The following LIN28A variants were observed in gnomAD, a reference collection of about 807,000 sequenced individuals.
The protein encoded by LIN28A is protein lin-28 homolog A.
In LIN28A, 11 loss-of-function variants were observed where a neutral mutation model predicts 21.1. The ratio of observed to expected loss-of-function variants is 0.52; its 90% CI spans 0.33 to 0.86. LIN28A has a LOEUF of 0.86. Among genes scored for constraint, LIN28A ranks in the 40% least tolerant of loss-of-function variants. The pLI, the probability that LIN28A is intolerant of heterozygous loss-of-function variation, is 0.03. For missense variants in LIN28A, 219 were observed against 279.8 expected, an observed-to-expected ratio of 0.78 and a Z score of 1.55; for synonymous variants, 111 against 108.7, an observed-to-expected ratio of 1.02 and a Z score of -0.13.
At position 26,426,910 on chromosome 1, in the gene LIN28A, C is replaced by T. The variant is rs1314228631; in HGVS notation, c.*452C>T. ...AGGAGTAAGCATTGTTTTTTTTTCA[C>T]ATCTTGTATCCTCATACCCACTTTT... On this transcript the variant is annotated 3_prime_UTR_variant, in exon 4 of 4. Coordinates refer to ENST00000326279, the MANE Select transcript of LIN28A (RefSeq NM_024674.6). The T allele has an allele frequency of 5.5e-6, 1 of 181,538 alleles. No individual in the cohort carries two copies. Among genetic ancestry groups the T allele is most frequent in the Non-Finnish European group, 1.2e-5 (1 of 85,280 alleles). The allele number at this position is 181,538 out of a possible 1,614,324, so 11.2% of individuals were successfully genotyped here. A position where few individuals can be genotyped will look rare whatever the true frequency, so the allele number is the denominator to read the frequency against.
At position 26,411,559 on chromosome 1, in the gene LIN28A, C is replaced by G. The variant is rs1287661387; in HGVS notation, c.205C>G (p.Pro69Ala). 1.9e-6 allele frequency: 3 copies of G among 1,613,636 alleles called. No individual in the cohort carries two copies. Among genetic ancestry groups the G allele is most frequent in the African/African-American group, 2.7e-5 (2 of 74,896 alleles). Residue 69 changes from proline to alanine, a missense_variant, in exon 2 of 4, where the codon CCA becomes GCA. This residue lies in a region of LIN28A where 124 missense variants were observed against 193.1 expected (regional missense o/e 0.64). Coordinates refer to ENST00000326279, the MANE Select transcript of LIN28A (RefSeq NM_024674.6). The surrounding 1 kb of genome is among the most constrained non-coding windows in gnomAD (Gnocchi z 5.4). The stretch of plus-strand genomic sequence containing the variant: ...CCGCGCCGGGGTCGCGCTCGACCCC[C>G]CAGTGGATGTCTTTGTGCACCAGGT... ...TARAGVALDP[P>A]VDVFVHQSKL...
chr1:26,421,507 AT>A (rs1305182499), intron 2 of LIN28A, among the ~76,000 whole-genome samples: 7 of 152,078 alleles, frequency 4.6e-5, no homozygotes, highest in African/African-American at 1.7e-4. Context: ...TTTATGGTAT[AT>A]TTTTGTAGTT....
intron 2 of LIN28A, among the ~76,000 whole-genome samples, chr1:26,424,227 T>C (rs548571407): frequency 6.6e-6 from 1 of 152,108 alleles, no homozygotes; most frequent in South Asian, 2.1e-4. Flanking sequence ...CTTCATAGCG[T>C]GACATTTTAT....
chr1:26,419,244 T>C (rs2075015182), intron 2 of LIN28A, among the ~76,000 whole-genome samples: 1 of 142,374 alleles, frequency 7.0e-6, no homozygotes, highest in Non-Finnish European at 1.5e-5. Context: ...CTATGTGTTT[T>C]AGAAAGGGGC....
At chr1:26,425,887 T>C (rs1160668043) in intron 3 of LIN28A, among the ~76,000 whole-genome samples, 3 of 152,242 alleles carry the variant, frequency 2.0e-5, no homozygotes, top group Admixed American at 6.5e-5. Flanking sequence ...TAAAGCCCCT[T>C]AGCTCTGAAC....
chr1:26,411,672 G>T lies in LIN28A; in HGVS notation c.228+90G>T. Reference sequence around the variant, plus strand: ...CTCCGGGCTCGCAGTTGAATTGAGGGCCATCGGGAGCCCTCATTATGCATC... The same window carrying T: ...CTCCGGGCTCGCAGTTGAATTGAGGTCCATCGGGAGCCCTCATTATGCATC... On this transcript the variant is annotated intron_variant, in intron 2 of 3. Coordinates refer to ENST00000326279, the MANE Select transcript of LIN28A (RefSeq NM_024674.6). The surrounding 1 kb of genome is among the most constrained non-coding windows in gnomAD (Gnocchi z 5.4). 2 of 1,298,758 alleles carry T rather than the reference G, an allele frequency of 1.5e-6. No homozygotes were observed. The highest frequency in any genetic ancestry group is 2.2e-6 in the Non-Finnish European group (2 of 920,492). 80.5% of individuals were successfully genotyped at this position (1,298,758 alleles called of 1,614,324 possible).
chr1:26,422,094 T>C (rs552870969), intron 2 of LIN28A, among the ~76,000 whole-genome samples: 1 of 151,912 alleles, frequency 6.6e-6, no homozygotes, highest in South Asian at 2.1e-4. Context: ...CTGCAACCTC[T>C]GCCTCCTGGG....
intron 2 of LIN28A, among the ~76,000 whole-genome samples, chr1:26,413,947 C>T (rs183245537): frequency 7.8e-4 from 118 of 151,770 alleles, no homozygotes; most frequent in Non-Finnish European, 9.1e-4. Flanking sequence ...CCTGCCTCAG[C>T]TTCCTGAGTA....
Position 26,428,283 on chromosome 1 carries a change from C to T in LIN28A, c.*1825C>T, listed in dbSNP as rs1317389258. The T allele has an allele frequency of 5.2e-5, 8 of 152,662 alleles. No individual in the cohort carries two copies. In the East Asian group the frequency reaches 1.5e-3, roughly 29 times the overall value. The allele number at this position is 152,662 out of a possible 1,614,324, so 9.5% of individuals were successfully genotyped here. A position where few individuals can be genotyped will look rare whatever the true frequency, so the allele number is the denominator to read the frequency against. On this transcript the variant is annotated 3_prime_UTR_variant, in exon 4 of 4. Coordinates refer to ENST00000326279, the MANE Select transcript of LIN28A (RefSeq NM_024674.6). ...GGGGCCCTCTTCTTAAAGTGGGGATCTTGAACCATCCTTTCTTTTGTATTC... is the reference window on the plus strand; with the variant it reads ...GGGGCCCTCTTCTTAAAGTGGGGATTTTGAACCATCCTTTCTTTTGTATTC...
At position 26,411,361 on chromosome 1, in the gene LIN28A, AG is replaced by A. The variant is rs752965206; in HGVS notation, c.32-24del. The stretch of plus-strand genomic sequence containing the variant: ...CCTCCGATTCCGTGCCCCCCAGCTA[AG>A]TGCCCGGCCCTCCCTCTCTCCAGGT... On this transcript the variant is annotated intron_variant, in intron 1 of 3. Transcript: ENST00000326279. The surrounding 1 kb of genome is among the most constrained non-coding windows in gnomAD (Gnocchi z 5.4). The A allele has an allele frequency of 6.5e-7, 1 of 1,536,886 alleles. No homozygotes were observed. Among genetic ancestry groups the A allele is most frequent in the Non-Finnish European group, 8.7e-7 (1 of 1,147,504 alleles).
At position 26,426,725 on chromosome 1, in the gene LIN28A, C is replaced by T; in HGVS notation, c.*267C>T. The T allele has an allele frequency of 2.5e-6, 1 of 406,812 alleles. No homozygotes were observed. Among genetic ancestry groups the T allele is most frequent in the Admixed American group, 3.9e-5 (1 of 25,730 alleles). The allele number at this position is 406,812 out of a possible 1,614,324, so 25.2% of individuals were successfully genotyped here. ...CCTACAACCTGCATACTTTGAGTCT[C>T]CATCCCCAGAATTTCCAGCTTTTGA... On this transcript the variant is annotated 3_prime_UTR_variant, in exon 4 of 4. Coordinates refer to ENST00000326279, the MANE Select transcript of LIN28A (RefSeq NM_024674.6).
intron 2 of LIN28A, among the ~76,000 whole-genome samples, chr1:26,423,902 AC>A (rs1400869828): frequency 1.3e-5 from 2 of 151,742 alleles, no homozygotes; most frequent in South Asian, 4.2e-4. Context: ...AGCTGGGACT[AC>A]AGGCACCCGC....
At chr1:26,416,345 G>T (rs2074993454) in intron 2 of LIN28A, among the ~76,000 whole-genome samples, 1 of 152,188 alleles carries the variant, frequency 6.6e-6, no homozygotes, top group Non-Finnish European at 1.5e-5. Context: ...TCAAATATGG[G>T]ATGTTTCTAC....
chr1:26,417,384 C>A (rs141630322), intron 2 of LIN28A, among the ~76,000 whole-genome samples: 1 of 152,156 alleles, frequency 6.6e-6, no homozygotes, highest in Non-Finnish European at 1.5e-5. Context: ...CTGGGAGAAC[C>A]GGTTGGTTCT....
intron 2 of LIN28A, among the ~76,000 whole-genome samples, chr1:26,413,986 C>T (rs976441082): frequency 2.6e-5 from 4 of 151,970 alleles, no homozygotes; most frequent in African/African-American, 9.7e-5. Flanking sequence ...TGCCACCACG[C>T]TCGGCTAATT....
At chr1:26,416,738 C>CA (rs2074995604) in intron 2 of LIN28A, among the ~76,000 whole-genome samples, 1 of 152,130 alleles carries the variant, frequency 6.6e-6, no homozygotes, top group African/African-American at 2.4e-5. Flanking sequence ...CTGCCTCAGC[C>CA]ACCCGAGTAG....
intron 2 of LIN28A, among the ~76,000 whole-genome samples, chr1:26,414,371 C>T (rs2074981383): frequency 6.6e-6 from 1 of 152,006 alleles, no homozygotes; most frequent in South Asian, 2.1e-4. Context: ...AGCCCCTTTG[C>T]AAATAAAGAG....
At position 26,426,610 on chromosome 1, in the gene LIN28A, TG is replaced by T. The variant is rs761799675; in HGVS notation, c.*158del. On this transcript the variant is annotated 3_prime_UTR_variant, in exon 4 of 4. Coordinates refer to ENST00000326279, the MANE Select transcript of LIN28A (RefSeq NM_024674.6). ...ACCATCACCCTTTCTTCCCTCTAGG[TG>T]GGGGGAAAGGGTGAGTCAAAGGAAC... 6.8e-4 allele frequency: 444 copies of T among 652,392 alleles called. No individual in the cohort carries two copies. The Middle Eastern group carries it at 0.02, about 29-fold the overall frequency. 40.4% of individuals were successfully genotyped at this position (652,392 alleles called of 1,614,324 possible). A position where few individuals can be genotyped will look rare whatever the true frequency, so the allele number is the denominator to read the frequency against.
chr1:26,423,221 T>TGTAGAAATG (rs1456553617), intron 2 of LIN28A, among the ~76,000 whole-genome samples: 3 of 151,842 alleles, frequency 2.0e-5, no homozygotes, highest in African/African-American at 7.3e-5. Flanking sequence ...TTGTGTTTTT[T>TGTAGAAATG]GTAGAAATGG....
Sources: gnomAD v4.1 joint callset for allele counts (sites outside exome capture counted in the v4.1 genomes callset) on GRCh38, gnomAD v4.1.1 for gene constraint, gnomAD v4.1.1 regional missense constraint, Gnocchi (gnomAD v3.1) non-coding constraint, MANE v1.5 for transcripts, NCBI Gene and HGNC (gene_info 2026-07-23, HGNC 2026-07-21) for gene names.